CNOT6L: variants seen among roughly 807,000 people sequenced by gnomAD.
CNOT6L encodes the protein CCR4-NOT transcription complex subunit 6-like.
Under a neutral mutation model 64.0 loss-of-function variants are expected in CNOT6L, and 7 were observed. The ratio of observed to expected loss-of-function variants is 0.11; its 90% CI spans 0.06 to 0.21. The LOEUF (loss-of-function observed/expected upper bound fraction) is 0.21, where lower values mean the gene tolerates loss of function less well. CNOT6L is among the 10% of genes least tolerant of loss of function. The pLI is 1.00. For synonymous variants in CNOT6L, 193 were observed against 243.4 expected, an observed-to-expected ratio of 0.79 and a Z score of 1.93; for missense variants, 245 against 669.0, an observed-to-expected ratio of 0.37 and a Z score of 6.99.
At chr4:77,753,720 CTG>C (rs1012192274) in intron 5 of CNOT6L, among the ~76,000 whole-genome samples, 2 of 151,588 alleles carry the variant, frequency 1.3e-5, no homozygotes, top group African/African-American at 2.4e-5. Flanking sequence ...TATTAGCAAA[CTG>C]AATCTAGGGT....
Position 77,774,732 on chromosome 4 carries a change from C to A in CNOT6L, c.128-16G>T. 2 of 1,505,470 alleles carry A rather than the reference C, an allele frequency of 1.3e-6. No individual in the cohort carries two copies. Among genetic ancestry groups the A allele is most frequent in the Admixed American group, 2.5e-5 (1 of 40,738 alleles). 93.3% of individuals were successfully genotyped at this position (1,505,470 alleles called of 1,614,324 possible). ...CGCACTCTACCTAAAAGGCAAAATA[C>A]TGAAGTGTAAAAAAAAACCCCAGGC... On this transcript the variant is annotated splice_polypyrimidine_tract_variant and intron_variant, in intron 2 of 11. Transcript: ENST00000504123.
chr4:77,779,046 C>CAAAAAAAAAAAAAAAAAAAAAA (rs747920305), intron 1 of CNOT6L, among the ~76,000 whole-genome samples: 4 of 67,124 alleles, frequency 6.0e-5, no homozygotes, highest in Non-Finnish European at 1.1e-4. Flanking sequence ...GACTCTGTCT[C>CAAAAAAAAAAAAAAAAAAAAAA]AAAAAAAAAA....
rs760614273 is a variant in CNOT6L at position 77,742,303 on chromosome 4, G to A, written c.718-8C>T. Reference sequence around the variant, plus strand: ...TTGCTCTGTTTCCACTTCCTGAGATGAAAGAAAAGTTATCATCTATATGAC... The same window carrying A: ...TTGCTCTGTTTCCACTTCCTGAGATAAAAGAAAAGTTATCATCTATATGAC... On this transcript the variant is annotated splice_region_variant and splice_polypyrimidine_tract_variant and intron_variant, in intron 7 of 11. Transcript: ENST00000504123. 1.9e-6 allele frequency: 3 copies of A among 1,606,806 alleles called. No individual in the cohort carries two copies. Among genetic ancestry groups the A allele is most frequent in the East Asian group, 2.2e-5 (1 of 44,716 alleles).
intron 7 of CNOT6L, 91 bp from the exon 8 acceptor site, chr4:77,742,386 T>C (rs1723693715): frequency 8.6e-7 from 1 of 1,168,770 alleles, no homozygotes; most frequent in African/African-American, 1.5e-5. Context: ...AAGATGTAAC[T>C]TAGTAAAAAT....
intron 4 of CNOT6L, among the ~76,000 whole-genome samples, chr4:77,768,762 T>C (rs540003678): frequency 2.6e-5 from 4 of 151,272 alleles, no homozygotes; most frequent in African/African-American, 9.6e-5. Flanking sequence ...TAGAAACTCA[T>C]ACTCAATAAC....
rs908433937 is a variant in CNOT6L, at chr4:77,714,386, T to A, written c.*6045A>T. 4.9e-5 allele frequency: 7 copies of A among 142,202 alleles called. No homozygotes were observed. Among genetic ancestry groups the A allele is most frequent in the African/African-American group, 1.9e-4 (7 of 37,680 alleles). 8.8% of individuals were successfully genotyped at this position (142,202 alleles called of 1,614,324 possible). On this transcript the variant is annotated 3_prime_UTR_variant, in exon 12 of 12. Coordinates refer to ENST00000504123, the MANE Select transcript of CNOT6L (RefSeq NM_144571.3). ...AGATATAAATTAATCGATGGTGAAT[T>A]TGACCAACACCCTGGCCCTTATAGA...
intron 1 of CNOT6L, among the ~76,000 whole-genome samples, chr4:77,818,339 G>C (rs1041442514): frequency 3.9e-5 from 6 of 152,062 alleles, no homozygotes; most frequent in Non-Finnish European, 7.4e-5. Flanking sequence ...CTCCCCCTAG[G>C]AGGCAGGATA....
intron 8 of CNOT6L, among the ~76,000 whole-genome samples, chr4:77,738,240 G>C (rs1420948875): frequency 6.6e-6 from 1 of 152,078 alleles, no homozygotes; most frequent in East Asian, 1.9e-4. Flanking sequence ...CTAAATTGCT[G>C]TTTTCATCTT....
chr4:77,782,899 T>C (rs1014624896), intron 1 of CNOT6L, among the ~76,000 whole-genome samples: 1 of 152,104 alleles, frequency 6.6e-6, no homozygotes, highest in African/African-American at 2.4e-5. Flanking sequence ...CAAACTATAC[T>C]GCATATAGTA....
At chr4:77,793,383 T>C (rs960182371) in intron 1 of CNOT6L, among the ~76,000 whole-genome samples, 3 of 152,196 alleles carry the variant, frequency 2.0e-5, no homozygotes, top group Non-Finnish European at 2.9e-5. Flanking sequence ...ACATTATCCA[T>C]AGTGTTTTAC....
chr4:77,777,687 C>T (rs1728307735), intron 1 of CNOT6L, among the ~76,000 whole-genome samples: 1 of 152,178 alleles, frequency 6.6e-6, no homozygotes, highest in Non-Finnish European at 1.5e-5. Flanking sequence ...CATATATACA[C>T]ACACCCCAAA....
chr4:77,793,568 C>T (rs1363922585), intron 1 of CNOT6L, among the ~76,000 whole-genome samples: 1 of 152,034 alleles, frequency 6.6e-6, no homozygotes, highest in East Asian at 1.9e-4. Flanking sequence ...TCATGCTGCC[C>T]CCGTCTCTTA....
intron 9 of CNOT6L, among the ~76,000 whole-genome samples, chr4:77,730,019 A>G (rs996913258): frequency 4.6e-5 from 7 of 152,212 alleles, no homozygotes; most frequent in African/African-American, 1.7e-4. Flanking sequence ...TTTACTTTAC[A>G]TACCTTTAAA....
At chr4:77,790,022 A>G (rs1207660803) in intron 1 of CNOT6L, among the ~76,000 whole-genome samples, 3 of 151,314 alleles carry the variant, frequency 2.0e-5, no homozygotes, top group African/African-American at 4.9e-5. Context: ...ATTTTTAAAT[A>G]TAAAGCATGC....
At chr4:77,734,979 T>C (rs78931157) in intron 8 of CNOT6L, among the ~76,000 whole-genome samples, 9,721 of 152,262 alleles carry the variant, frequency 0.064, 462 homozygotes, top group African/African-American at 0.13. Flanking sequence ...GTACTTCATA[T>C]ATGTTAGTCC....
chr4:77,767,132 A>G (rs1726943162), intron 4 of CNOT6L, among the ~76,000 whole-genome samples: 1 of 148,380 alleles, frequency 6.7e-6, no homozygotes, highest in Non-Finnish European at 1.5e-5. Flanking sequence ...AAAAAAGTAT[A>G]AAGTACCTAG....
intron 5 of CNOT6L, 150 bp downstream of exon 5, chr4:77,756,712 A>C: frequency 2.0e-6 from 1 of 503,168 alleles, no homozygotes; most frequent in Non-Finnish European, 3.5e-6. Context: ...TATGAAAAGA[A>C]GAATGTTCCA....
Position 77,734,878 on chromosome 4 carries a change from A to G in CNOT6L, c.873-3340T>C, listed in dbSNP as rs568243059. On this transcript the variant is annotated intron_variant, in intron 8 of 11. Transcript: ENST00000504123. ...ATGAGCATGCATTCTCTTCTCTCAA[A>G]ATAATTAAATTTCTCAATAGGACAG... is the stretch of plus-strand genomic sequence containing the variant. Among the ~76,000 whole-genome samples, 40 of 152,242 alleles carry G rather than the reference A, an allele frequency of 2.6e-4. No homozygotes were observed. In the South Asian group the frequency reaches 8.3e-3, roughly 32 times the overall value.
intron 1 of CNOT6L, among the ~76,000 whole-genome samples, chr4:77,779,063 C>CAAAAAAAAAAAAAAAAAAAAA (rs879638003): frequency 1.4e-5 from 1 of 71,272 alleles, no homozygotes; most frequent in Non-Finnish European, 2.7e-5. Context: ...AAAAAAAAAA[C>CAAAAAAAAAAAAAAAAAAAAA]AAAAAAAAAA....
Sources: allele counts gnomAD v4.1 joint callset (sites outside exome capture counted in the v4.1 genomes callset), GRCh38; gene constraint gnomAD v4.1.1; transcripts MANE v1.5; gene names NCBI Gene and HGNC (gene_info 2026-07-23, HGNC 2026-07-21).